The following LAMP1 variants were observed in gnomAD, a reference collection of about 807,000 sequenced individuals.
LAMP1 encodes the protein lysosome-associated membrane glycoprotein 1.
In LAMP1, 7 loss-of-function variants were observed where a neutral mutation model predicts 37.5. The observed-to-expected ratio is 0.19, with a 90% CI of 0.11 to 0.35. The LOEUF (loss-of-function observed/expected upper bound fraction) is 0.35, where lower values mean the gene tolerates loss of function less well. LAMP1 is among the 10% of genes least tolerant of loss of function. The pLI is 1.00. For synonymous variants in LAMP1, 236 were observed against 229.1 expected, an observed-to-expected ratio of 1.03 and a Z score of -0.27; for missense variants, 537 against 552.8, an observed-to-expected ratio of 0.97 and a Z score of 0.29.
Position 113,320,242 on chromosome 13 carries a change from A to T in LAMP1, c.751-103A>T, listed in dbSNP as rs1300255800. 1 of 1,419,010 alleles carries T rather than the reference A, an allele frequency of 7.0e-7. No individual in the cohort carries two copies. The highest frequency in any genetic ancestry group is 9.8e-7 in the Non-Finnish European group (1 of 1,019,840). The allele number at this position is 1,419,010 out of a possible 1,614,324, so 87.9% of individuals were successfully genotyped here. On this transcript the variant is annotated intron_variant, in intron 5 of 8. Transcript: ENST00000332556. This position sits in a 1 kb window ranked among gnomAD's most constrained non-coding sequence, Gnocchi z 4.4. ...CAGTGTTTTCCTTCTGGTTTTGGTT[A>T]AAACAAATGTGGCCTTGAATTCACG...
Position 113,321,168 on chromosome 13 carries a change from A to G in LAMP1, c.877-236A>G, listed in dbSNP as rs1290799195. 6.0e-6 allele frequency: 3 copies of G among 497,252 alleles called. No individual in the cohort carries two copies. The highest frequency in any genetic ancestry group is 3.2e-5 in the Admixed American group (1 of 30,972). The allele number at this position is 497,252 out of a possible 1,614,324, so 30.8% of individuals were successfully genotyped here. On this transcript the variant is annotated intron_variant, in intron 6 of 8. Coordinates refer to ENST00000332556, the MANE Select transcript of LAMP1 (RefSeq NM_005561.4). The surrounding 1 kb of genome is among the most constrained non-coding windows in gnomAD (Gnocchi z 5.6). ...GCACTCCAGCCTGGGTGACAGAGCA[A>G]GACTCTCAGAGAAGGGTCTGGAAGG...
rs113266974 is a variant in LAMP1 at position 113,304,752 on chromosome 13, G to A, written c.62-1733G>A. On this transcript the variant is annotated intron_variant, in intron 1 of 8. Transcript: ENST00000332556. The stretch of plus-strand genomic sequence containing the variant: ...ACTCACTGCAACCTCGGCCTCCCTG[G>A]TTCAAGTGATTCTCCTGCCTCAGCC... Among the ~76,000 whole-genome samples the A allele has an allele frequency of 3.7e-3, 564 of 152,112 alleles. 5 individuals carry two copies. The highest frequency in any genetic ancestry group is 6.3e-3 in the Non-Finnish European group (428 of 67,976).
At chr13:113,311,985 A>G (rs2042633031) in intron 4 of LAMP1, among the ~76,000 whole-genome samples, 1 of 152,192 alleles carries the variant, frequency 6.6e-6, no homozygotes, top group Non-Finnish European at 1.5e-5. Flanking sequence ...GACATCCCTT[A>G]GGGTGGGCTT....
intron 1 of LAMP1, among the ~76,000 whole-genome samples, chr13:113,303,371 T>TC (rs1053516301): frequency 2.8e-4 from 42 of 152,334 alleles, no homozygotes; most frequent in Admixed American, 8.5e-4. Flanking sequence ...GGAGAAGTGG[T>TC]CCTGTTCGTG....
intron 2 of LAMP1, 110 bp downstream of exon 2, chr13:113,306,716 C>T: frequency 3.3e-6 from 4 of 1,219,924 alleles, no homozygotes; most frequent in Non-Finnish European, 4.6e-6. Context: ...GGTGCTTTTC[C>T]TATCTGCATA....
rs1362193467 is a variant in LAMP1, at chr13:113,321,262, G to A, written c.877-142G>A. 1.3e-6 allele frequency: 1 copy of A among 750,514 alleles called. No individual in the cohort carries two copies. Among genetic ancestry groups the A allele is most frequent in the Non-Finnish European group, 2.3e-6 (1 of 428,540 alleles). 46.5% of individuals were successfully genotyped at this position (750,514 alleles called of 1,614,324 possible). On this transcript the variant is annotated intron_variant, in intron 6 of 8. Coordinates refer to ENST00000332556, the MANE Select transcript of LAMP1 (RefSeq NM_005561.4). This position sits in a 1 kb window ranked among gnomAD's most constrained non-coding sequence, Gnocchi z 5.6. ...TATAGACAAGATCTTTTGCAGTTTT[G>A]TTCTAATACTAGAAATGTAGGAAGT...
Position 113,321,641 on chromosome 13 carries a change from A to G in LAMP1, c.1028A>G (p.His343Arg). The G allele has an allele frequency of 6.2e-7, 1 of 1,614,224 alleles. No individual in the cohort carries two copies. Among genetic ancestry groups the G allele is most frequent in the Non-Finnish European group, 8.5e-7 (1 of 1,180,042 alleles). Residue 343 changes from histidine to arginine, a missense_variant, in exon 8 of 9, where the codon CAC (histidine) becomes CGC (arginine). Transcript: ENST00000332556. The surrounding 1 kb of genome is among the most constrained non-coding windows in gnomAD (Gnocchi z 5.6). ...TCCTACAAGTGCAACGCGGAGGAGC[A>G]CGTCCGTGTCACGAAGGCGTTTTCA... is the stretch of plus-strand genomic sequence containing the variant. ...GNSYKCNAEE[H>R]VRVTKAFSVN...
chr13:113,319,488 C>G lies in LAMP1; in HGVS notation c.582C>G (p.Asp194Glu). The G allele has an allele frequency of 6.2e-7, 1 of 1,612,896 alleles. No homozygotes were observed. Among genetic ancestry groups the G allele is most frequent in the Non-Finnish European group, 8.5e-7 (1 of 1,179,426 alleles). ...FSRGETRCEQ[D>E]RPSPTTAPPA... ...CTGCAGAGACACGCTGTGAACAAGA[C>G]AGGCCTTCCCCAACCACAGCGCCCC... Residue 194 changes from aspartate to glutamate, a missense_variant, in exon 5 of 9, where the codon GAC becomes GAG. Transcript: ENST00000332556.
At chr13:113,299,111 G>T (rs1209686983) in intron 1 of LAMP1, among the ~76,000 whole-genome samples, 1 of 152,070 alleles carries the variant, frequency 6.6e-6, no homozygotes, top group African/African-American at 2.4e-5. Context: ...CTGCACTCCA[G>T]CCTGGGCAAC....
chr13:113,299,008 C>T (rs1318293486), intron 1 of LAMP1, among the ~76,000 whole-genome samples: 1 of 152,228 alleles, frequency 6.6e-6, no homozygotes, highest in African/African-American at 2.4e-5. Context: ...GGCATGGTGG[C>T]GCACGCCTGT....
intron 3 of LAMP1, among the ~76,000 whole-genome samples, chr13:113,310,371 C>T (rs889983297): frequency 6.6e-6 from 1 of 151,838 alleles, no homozygotes; most frequent in Admixed American, 6.6e-5. Context: ...ACTAAAAATA[C>T]AAAAATTAGC....
At position 113,320,283 on chromosome 13, in the gene LAMP1, G is replaced by T; in HGVS notation, c.751-62G>T. 6.2e-7 allele frequency: 1 copy of T among 1,601,774 alleles called. No individual in the cohort carries two copies. ...TGAATTCACGGTTTCAGGACTGTTT[G>T]TCTTTTCGAGAGTGTGGAGGACCTG... On this transcript the variant is annotated intron_variant, in intron 5 of 8. Transcript: ENST00000332556. This position sits in a 1 kb window ranked among gnomAD's most constrained non-coding sequence, Gnocchi z 4.4.
At chr13:113,300,399 T>C (rs1293094585) in intron 1 of LAMP1, among the ~76,000 whole-genome samples, 5 of 150,364 alleles carry the variant, frequency 3.3e-5, no homozygotes, top group East Asian at 3.9e-4. Context: ...GGCAGGAGAA[T>C]TGCTTGAACC....
At chr13:113,313,151 C>T (rs866925479) in intron 4 of LAMP1, among the ~76,000 whole-genome samples, 7 of 152,112 alleles carry the variant, frequency 4.6e-5, no homozygotes, top group Non-Finnish European at 8.8e-5. Context: ...ATGGCATGAC[C>T]GCTCACTCAC....
At chr13:113,315,948 T>C (rs893858114) in intron 4 of LAMP1, among the ~76,000 whole-genome samples, 1 of 151,826 alleles carries the variant, frequency 6.6e-6, no homozygotes, top group African/African-American at 2.4e-5. Context: ...ACTAAAAATA[T>C]AAAAATTAGT....
In LAMP1 at chr13:113,309,706, G is replaced by C; in HGVS notation, c.247G>C (p.Glu83Gln). 3 of 1,614,198 alleles carry C rather than the reference G, an allele frequency of 1.9e-6. No individual in the cohort carries two copies. Among genetic ancestry groups the C allele is most frequent in the Non-Finnish European group, 2.5e-6 (3 of 1,180,034 alleles). Residue 83 changes from glutamate to glutamine, a missense_variant, in exon 3 of 9, where the codon GAG becomes CAG. Physicochemically the swap from Glu to Gln is conservative, Grantham distance 29. Transcript: ENST00000332556. Reference sequence around the variant, plus strand: ...GCTCAACCGCAGCTCCTGTGGAAAAGAGAACACTTCTGACCCCAGTCTCGT... The same window carrying C: ...GCTCAACCGCAGCTCCTGTGGAAAACAGAACACTTCTGACCCCAGTCTCGT... ...VVLNRSSCGKENTSDPSLVIA... is the reference protein window; with the variant it reads ...VVLNRSSCGKQNTSDPSLVIA...
chr13:113,317,344 A>C (rs1442784848), intron 4 of LAMP1, among the ~76,000 whole-genome samples: 2 of 152,230 alleles, frequency 1.3e-5, no homozygotes, highest in Non-Finnish European at 2.9e-5. Flanking sequence ...TTTAGTACGC[A>C]TTCAGGGAAG....
intron 1 of LAMP1, among the ~76,000 whole-genome samples, chr13:113,298,875 G>T (rs2042556183): frequency 6.6e-6 from 1 of 152,252 alleles, no homozygotes; most frequent in Non-Finnish European, 1.5e-5. Flanking sequence ...GGGAGCAGTG[G>T]CTCACGCCTT....
In LAMP1 at chr13:113,320,652, A is replaced by G; in HGVS notation, c.876+182A>G. Reference sequence around the variant, plus strand: ...CCTCCCCCCTTTCCATTCCATTCATAGATGCAGCAGATGATGTGGGCGGGG... The same window carrying G: ...CCTCCCCCCTTTCCATTCCATTCATGGATGCAGCAGATGATGTGGGCGGGG... On this transcript the variant is annotated intron_variant, in intron 6 of 8. Coordinates refer to ENST00000332556, the MANE Select transcript of LAMP1 (RefSeq NM_005561.4). This position sits in a 1 kb window ranked among gnomAD's most constrained non-coding sequence, Gnocchi z 4.4. 2.2e-5 allele frequency: 14 copies of G among 622,570 alleles called. No individual in the cohort carries two copies. In the South Asian group the frequency reaches 2.8e-4, roughly 13 times the overall value. The allele number at this position is 622,570 out of a possible 1,614,324, so 38.6% of individuals were successfully genotyped here. A position where few individuals can be genotyped will look rare whatever the true frequency, so the allele number is the denominator to read the frequency against.
Sources: gnomAD v4.1 joint callset for allele counts (sites outside exome capture counted in the v4.1 genomes callset) on GRCh38, gnomAD v4.1.1 for gene constraint, Gnocchi (gnomAD v3.1) non-coding constraint, MANE v1.5 for transcripts, NCBI Gene and HGNC (gene_info 2026-07-23, HGNC 2026-07-21) for gene names.